PRKAG2: variants seen among roughly 807,000 people sequenced by gnomAD.
PRKAG2 encodes 5'-AMP-activated protein kinase subunit gamma-2.
PRKAG2 carries 26 observed loss-of-function variants against 69.6 expected under a neutral mutation model. That is an observed-to-expected ratio of 0.37 (90% CI 0.27 to 0.52). The LOEUF (loss-of-function observed/expected upper bound fraction) is 0.52, where lower values mean the gene tolerates loss of function less well. PRKAG2 is among the 20% of genes least tolerant of loss of function. The pLI, the probability that PRKAG2 is intolerant of heterozygous loss-of-function variation, is 0.90. For synonymous variants in PRKAG2, 293 were observed against 285.0 expected (o/e 1.03, Z -0.28); for missense variants, 557 against 740.0 (o/e 0.75, Z 2.87).
intron 4 of PRKAG2, among the ~76,000 whole-genome samples, chr7:151,660,404 T>C (rs1479491284): frequency 6.6e-6 from 1 of 152,206 alleles, no homozygotes; most frequent in Non-Finnish European, 1.5e-5. Flanking sequence ...ATCTGATTCA[T>C]AGTGAGCCAT....
intron 3 of PRKAG2, among the ~76,000 whole-genome samples, chr7:151,709,889 T>G (rs898175307): frequency 2.0e-5 from 3 of 152,072 alleles, no homozygotes; most frequent in Non-Finnish European, 2.9e-5. Flanking sequence ...CATTGAGTGA[T>G]GTGACAGTGA....
chr7:151,772,174 C>A (rs1267948522), intron 3 of PRKAG2, among the ~76,000 whole-genome samples: 1 of 152,188 alleles, frequency 6.6e-6, no homozygotes, highest in African/African-American at 2.4e-5. Flanking sequence ...GAAGGCCTTT[C>A]TACTAAGGTG....
intron 6 of PRKAG2, among the ~76,000 whole-genome samples, chr7:151,588,075 T>C (rs17173202): frequency 0.15 from 22,171 of 152,196 alleles, 1,729 homozygotes; most frequent in East Asian, 0.27. Flanking sequence ...ATTGCCACTG[T>C]GAGGAAAAGC....
chr7:151,722,586 G>A (rs1349348510), intron 3 of PRKAG2, among the ~76,000 whole-genome samples: 1 of 152,126 alleles, frequency 6.6e-6, no homozygotes, highest in Non-Finnish European at 1.5e-5. Context: ...TTTAGCAGGT[G>A]AGTGGCGGGG....
chr7:151,877,074 G>GT lies in PRKAG2; in HGVS notation c.-455dup, dbSNP rs752689088. On this transcript the variant is annotated 5_prime_UTR_variant, in exon 1 of 16. It introduces an in-frame stop codon into an upstream open reading frame of the 5' UTR. Coordinates refer to ENST00000287878, the MANE Select transcript of PRKAG2 (RefSeq NM_016203.4). Reference sequence around the variant, plus strand: ...TGCCCAAGTGGGGAATCTGGAACCAGTAAGCCCGTTCGTGCATAAATGTAA... The same window carrying GT: ...TGCCCAAGTGGGGAATCTGGAACCAGTTAAGCCCGTTCGTGCATAAATGTAA... 8.0e-5 allele frequency: 19 copies of GT among 238,008 alleles called. No individual in the cohort carries two copies. Among genetic ancestry groups the GT allele is most frequent in the Admixed American group, 1.5e-4 (3 of 19,470 alleles). 14.7% of individuals were successfully genotyped at this position (238,008 alleles called of 1,614,324 possible).
At chr7:151,744,703 C>T (rs112017282) in intron 3 of PRKAG2, among the ~76,000 whole-genome samples, 62 of 152,312 alleles carry the variant, frequency 4.1e-4, no homozygotes, top group African/African-American at 1.5e-3. Flanking sequence ...TAACCACCCT[C>T]CCTCCATGCG....
intron 12 of PRKAG2, 95 bp downstream of exon 12, chr7:151,565,625 A>T: frequency 6.6e-7 from 1 of 1,514,252 alleles, no homozygotes; most frequent in Non-Finnish European, 9.1e-7. Flanking sequence ...CCAAGTTTTC[A>T]TTTTCCCCAC....
At position 151,781,076 on chromosome 7, in the gene PRKAG2, C is replaced by T; in HGVS notation, c.466+76G>A. The T allele has an allele frequency of 1.3e-6, 2 of 1,594,116 alleles. No homozygotes were observed. Among genetic ancestry groups the T allele is most frequent in the Non-Finnish European group, 1.7e-6 (2 of 1,165,826 alleles). On this transcript the variant is annotated intron_variant, in intron 3 of 15. Transcript: ENST00000287878. This position sits in a 1 kb window ranked among gnomAD's most constrained non-coding sequence, Gnocchi z 6.1. ...CACAGCCACCTGGCAGCTTCGGTGC[C>T]ACCGTGGATGTGTGGCTGCAGAAGA...
chr7:151,622,690 A>AAAT (rs1821820707), intron 5 of PRKAG2, among the ~76,000 whole-genome samples: 1 of 152,220 alleles, frequency 6.6e-6, no homozygotes, highest in Non-Finnish European at 1.5e-5. Flanking sequence ...CTTTCCTGAG[A>AAAT]GCATTTCTCA....
At chr7:151,714,468 CCGCCATCCTCCCATCCACGCACCA>C (rs2151618295) in intron 3 of PRKAG2, among the ~76,000 whole-genome samples, 1 of 138,466 alleles carries the variant, frequency 7.2e-6, no homozygotes, top group Admixed American at 7.7e-5. Context: ...CATCCACATG[CCGCCATCCTCCCATCCACGCACCA>C]CGTCCTCCCA....
intron 4 of PRKAG2, among the ~76,000 whole-genome samples, chr7:151,635,463 G>A (rs897645549): frequency 1.8e-4 from 28 of 152,110 alleles, no homozygotes; most frequent in Admixed American, 1.3e-3. Context: ...ATGGTGAAGC[G>A]GGCTGTGGTA....
At chr7:151,631,657 G>T (rs1192675456) in intron 5 of PRKAG2, 1 of 456,446 alleles carries the variant, frequency 2.2e-6, no homozygotes, top group East Asian at 7.0e-5. Flanking sequence ...CTTCACAGGC[G>T]CAGATAAGGG....
intron 3 of PRKAG2, among the ~76,000 whole-genome samples, chr7:151,746,291 T>C (rs901372053): frequency 6.6e-6 from 1 of 152,212 alleles, no homozygotes; most frequent in African/African-American, 2.4e-5. Context: ...GCCCCTAGCT[T>C]AGATTATGAG....
intron 1 of PRKAG2, among the ~76,000 whole-genome samples, chr7:151,847,905 T>G (rs11772236): frequency 0.37 from 56,150 of 152,138 alleles, 10,301 homozygotes; most frequent in Middle Eastern, 0.42. Context: ...CCAGCTCCAT[T>G]AACTGAGGCC....
At chr7:151,859,467 C>A (rs1054467368) in intron 1 of PRKAG2, among the ~76,000 whole-genome samples, 2 of 152,216 alleles carry the variant, frequency 1.3e-5, no homozygotes, top group Admixed American at 6.5e-5. Context: ...GTGAGGGCAG[C>A]GCCCAGCACA....
At chr7:151,625,437 C>T (rs141166159) in intron 5 of PRKAG2, among the ~76,000 whole-genome samples, 6 of 152,174 alleles carry the variant, frequency 3.9e-5, no homozygotes, top group East Asian at 3.9e-4. Context: ...GAGGGCGTGC[C>T]GGGAAGTGCG....
chr7:151,703,366 A>C (rs1838034730), intron 3 of PRKAG2, among the ~76,000 whole-genome samples: 1 of 152,176 alleles, frequency 6.6e-6, no homozygotes, highest in Admixed American at 6.5e-5. Flanking sequence ...TTTCCCCTGC[A>C]GTGTCTTCTG....
At position 151,788,812 on chromosome 7, in the gene PRKAG2, T is replaced by A. The variant is rs1192693728; in HGVS notation, c.115-2271A>T. Among the ~76,000 whole-genome samples the A allele has an allele frequency of 2.0e-5, 3 of 152,248 alleles. No homozygotes were observed. Among genetic ancestry groups the A allele is most frequent in the African/African-American group, 7.2e-5 (3 of 41,464 alleles). On this transcript the variant is annotated intron_variant, in intron 1 of 15. Transcript: ENST00000287878. This position sits in a 1 kb window ranked among gnomAD's most constrained non-coding sequence, Gnocchi z 4.6. The stretch of plus-strand genomic sequence containing the variant: ...CTTATATTTAGGTCTTTGACCTATG[T>A]AAATTTTTGTATATGGTATAAACGT...
intron 5 of PRKAG2, among the ~76,000 whole-genome samples, chr7:151,596,939 T>C (rs1035803175): frequency 6.6e-6 from 1 of 152,044 alleles, no homozygotes; most frequent in African/African-American, 2.4e-5. Context: ...TCCTAACATT[T>C]GTATAGAACC....
Sources: allele counts gnomAD v4.1 joint callset (sites outside exome capture counted in the v4.1 genomes callset), GRCh38; gene constraint gnomAD v4.1.1; non-coding constraint Gnocchi (gnomAD v3.1); transcripts MANE v1.5; gene names NCBI Gene and HGNC (gene_info 2026-07-23, HGNC 2026-07-21).